Variants in SGIP1 observed in about 807,000 individuals in gnomAD.
The protein encoded by SGIP1 is SH3GL interacting endocytic adaptor 1, also known as SH3-containing GRB2-like protein 3-interacting protein 1.
In SGIP1, 38 loss-of-function variants were observed where a neutral mutation model predicts 107.5. The observed-to-expected ratio is 0.35, with a 90% confidence interval of 0.27 to 0.46. The LOEUF (loss-of-function observed/expected upper bound fraction) is 0.46. SGIP1 is among the 20% of genes least tolerant of loss of function. The probability of loss-of-function intolerance (pLI) is 1.00; values close to 1 mark genes in which losing one functional copy is unlikely to be tolerated. For missense variants in SGIP1, 929 were observed against 1,019.5 expected (o/e 0.91, Z 1.21); for synonymous variants, 365 against 366.1 (o/e 1.00, Z 0.03).
At chr1:66,650,764 G>A (rs1297744093) in intron 7 of SGIP1, among the ~76,000 whole-genome samples, 2 of 152,238 alleles carry the variant, frequency 1.3e-5, no homozygotes, top group Admixed American at 6.5e-5. Flanking sequence ...TCTTTGATGT[G>A]ATCTTTTCCT....
In SGIP1 at chr1:66,675,537, CTTTCTT is replaced by C. The variant is rs1316745649; in HGVS notation, c.647-1463_647-1458del. Among the ~76,000 whole-genome samples the C allele has an allele frequency of 1.3e-3, 139 of 109,220 alleles. 8 individuals are homozygous for C. The highest frequency in any genetic ancestry group is 0.012 in the Admixed American group (109 of 8,938). 71.7% of individuals were successfully genotyped at this position (109,220 alleles called of 152,430 possible). On this transcript the variant is annotated intron_variant, in intron 12 of 24. Coordinates refer to ENST00000371037, the MANE Select transcript of SGIP1 (RefSeq NM_032291.4). Reference sequence around the variant, plus strand: ...TTTCGTTGTTTTTCTTTTTCTTTTTCTTTCTTTTTTTTTTTTTTTTTTGACAGAATC... The same window carrying C: ...TTTCGTTGTTTTTCTTTTTCTTTTTCTTTTTTTTTTTTTTTTGACAGAATC...
chr1:66,634,380 C>G (rs1180452156), intron 3 of SGIP1, among the ~76,000 whole-genome samples: 2 of 152,150 alleles, frequency 1.3e-5, no homozygotes, highest in Admixed American at 6.5e-5. Context: ...CTCTAAGGCC[C>G]CCTTGCTGCT....
chr1:66,739,917 G>A (rs186871163), intron 22 of SGIP1, among the ~76,000 whole-genome samples: 6 of 152,270 alleles, frequency 3.9e-5, no homozygotes, highest in Non-Finnish European at 8.8e-5. Context: ...CTCCTTAAGT[G>A]CTTCTTGGCA....
At chr1:66,644,883 G>T (rs2077400858) in intron 7 of SGIP1, among the ~76,000 whole-genome samples, 1 of 152,100 alleles carries the variant, frequency 6.6e-6, no homozygotes, top group Non-Finnish European at 1.5e-5. Context: ...TCTTGAAAAG[G>T]GAAGCATGAA....
chr1:66,722,449 C>G (rs1170177362), intron 19 of SGIP1, among the ~76,000 whole-genome samples: 1 of 152,124 alleles, frequency 6.6e-6, no homozygotes, highest in African/African-American at 2.4e-5. Flanking sequence ...ACCATGAGAG[C>G]TGGATTTTGC....
intron 1 of SGIP1, among the ~76,000 whole-genome samples, chr1:66,585,706 T>C (rs1570063797): frequency 6.6e-6 from 1 of 152,052 alleles, no homozygotes; most frequent in Non-Finnish European, 1.5e-5. Flanking sequence ...GCGAGGCTGG[T>C]CTTGAGCTCC....
intron 1 of SGIP1, among the ~76,000 whole-genome samples, chr1:66,574,525 CAATT>C (rs1557936465): frequency 6.6e-6 from 1 of 152,082 alleles, no homozygotes; most frequent in East Asian, 1.9e-4. Context: ...TCTATGAGAA[CAATT>C]AGATTGTTTT....
At chr1:66,582,926 A>G (rs1418020797) in intron 1 of SGIP1, among the ~76,000 whole-genome samples, 1 of 152,004 alleles carries the variant, frequency 6.6e-6, no homozygotes, top group Non-Finnish European at 1.5e-5. Flanking sequence ...GAAGCAACAT[A>G]ATCTACAGGC....
intron 1 of SGIP1, among the ~76,000 whole-genome samples, chr1:66,607,273 G>A (rs1218198238): frequency 6.6e-6 from 1 of 152,174 alleles, no homozygotes; most frequent in African/African-American, 2.4e-5. Context: ...GTGCCTCGAG[G>A]ACAAGGAACC....
In SGIP1 at chr1:66,565,385, A is replaced by G. The variant is rs79514620; in HGVS notation, c.10+31017A>G. Among the ~76,000 whole-genome samples the G allele has an allele frequency of 4.6e-3, 700 of 152,078 alleles. 3 individuals are homozygous for G. The highest frequency in any genetic ancestry group is 9.3e-3 in the East Asian group (48 of 5,142). ...ACCATGTTACTCTTGGGATGTCTTT[A>G]CAAAAACTGTCATCATTATCAGAAA... On this transcript the variant is annotated intron_variant, in intron 1 of 24. Coordinates refer to ENST00000371037, the MANE Select transcript of SGIP1 (RefSeq NM_032291.4).
At chr1:66,637,388 A>C (rs2075982151) in intron 4 of SGIP1, among the ~76,000 whole-genome samples, 1 of 151,930 alleles carries the variant, frequency 6.6e-6, no homozygotes, top group Non-Finnish European at 1.5e-5. Context: ...GAAACCAAAG[A>C]TATTTGTAAG....
At chr1:66,699,806 A>G (rs770160114) in intron 18 of SGIP1, among the ~76,000 whole-genome samples, 1 of 152,198 alleles carries the variant, frequency 6.6e-6, no homozygotes, top group South Asian at 2.1e-4. Flanking sequence ...TAAAATATAT[A>G]TAGTATGAAT....
At chr1:66,635,532 G>A (rs1001922043) in intron 3 of SGIP1, among the ~76,000 whole-genome samples, 1 of 152,228 alleles carries the variant, frequency 6.6e-6, no homozygotes, top group African/African-American at 2.4e-5. Flanking sequence ...GTGACCCACA[G>A]GAAGGCTTTG....
chr1:66,666,533 A>G (rs2082583428), intron 8 of SGIP1: 1 of 152,832 alleles, frequency 6.5e-6, no homozygotes, highest in African/African-American at 2.4e-5. Flanking sequence ...CTTGATGGGA[A>G]TGGCATTGAA....
intron 1 of SGIP1, among the ~76,000 whole-genome samples, chr1:66,572,088 G>T (rs2060460171): frequency 6.6e-6 from 1 of 152,000 alleles, no homozygotes. Flanking sequence ...ACAAACAAGA[G>T]GTGCATGATA....
rs1339756589 is a variant in SGIP1, at chr1:66,710,499, A to G, written c.1631-8795A>G. ...CTATTGGTCACCTTGCAGTTACTGG[A>G]TTCTGAAGACAAGCAGAGACCACAG... On this transcript the variant is annotated intron_variant, in intron 18 of 24. Transcript: ENST00000371037. Among the ~76,000 whole-genome samples, 3 of 152,116 alleles carry G rather than the reference A, an allele frequency of 2.0e-5. No homozygotes were observed. In the East Asian group the frequency reaches 5.8e-4, roughly 29 times the overall value.
intron 1 of SGIP1, among the ~76,000 whole-genome samples, chr1:66,577,059 A>G (rs1050234411): frequency 1.3e-5 from 2 of 152,048 alleles, no homozygotes; most frequent in African/African-American, 4.8e-5. Flanking sequence ...GTGCATTGGA[A>G]CCCAGTGTCT....
chr1:66,741,149 T>G, intron 23 of SGIP1, 123 bp from the exon 24 acceptor site: 3 of 1,038,810 alleles, frequency 2.9e-6, no homozygotes, highest in Non-Finnish European at 4.1e-6. Context: ...ATAAACTCAT[T>G]TAATCACCAT....
chr1:66,677,157 T>G (rs2085576073), intron 13 of SGIP1, 61 bp downstream of exon 13: 1 of 1,323,314 alleles, frequency 7.6e-7, no homozygotes, highest in Non-Finnish European at 1.1e-6. Context: ...TCTGTCTGCA[T>G]AGTGAAATTA....
Sources: allele counts gnomAD v4.1 joint callset (sites outside exome capture counted in the v4.1 genomes callset), GRCh38; gene constraint gnomAD v4.1.1; transcripts MANE v1.5; gene names NCBI Gene and HGNC (gene_info 2026-07-23, HGNC 2026-07-21).